Variants in PTK2B observed in about 807,000 individuals in gnomAD.
PTK2B encodes the protein protein-tyrosine kinase 2-beta.
Under a neutral mutation model 142.9 loss-of-function variants are expected in PTK2B, and 71 were observed. The observed-to-expected ratio is 0.50, with a 90% CI of 0.41 to 0.61. The LOEUF is 0.61. Ranked by LOEUF, PTK2B falls within the 20% of genes least tolerant of loss-of-function variation. The pLI, the probability that PTK2B is intolerant of heterozygous loss-of-function variation, is 0.00. For synonymous variants in PTK2B, 519 were observed against 503.4 expected, an observed-to-expected ratio of 1.03 and a Z score of -0.42; for missense variants, 1,105 against 1,320.4, an observed-to-expected ratio of 0.84 and a Z score of 2.53.
chr8:27,332,544 C>G (rs1803819250), intron 1 of PTK2B, among the ~76,000 whole-genome samples: 1 of 152,128 alleles, frequency 6.6e-6, no homozygotes, highest in Non-Finnish European at 1.5e-5. Context: ...CCCATCACCC[C>G]CTTTACTCTC....
chr8:27,439,094 T>G lies in PTK2B; in HGVS notation c.1707T>G (p.Gly569=). 1 of 1,613,938 alleles carries G rather than the reference T, an allele frequency of 6.2e-7. No individual in the cohort carries two copies. Among genetic ancestry groups the G allele is most frequent in the Non-Finnish European group, 8.5e-7 (1 of 1,179,904 alleles). Residue 569 remains glycine, a synonymous_variant, in exon 19 of 31, where the codon GGT becomes GGG. Transcript: ENST00000346049. ...SPECVKLGDF[G]LSRYIEDEDY... Reference sequence around the variant, plus strand: ...AGTGTGTGAAGCTGGGGGACTTTGGTCTTTCCCGGTACATTGAGGACGAGG... The same window carrying G: ...AGTGTGTGAAGCTGGGGGACTTTGGGCTTTCCCGGTACATTGAGGACGAGG...
chr8:27,376,850 C>T (rs1806701844), intron 1 of PTK2B, among the ~76,000 whole-genome samples: 1 of 152,234 alleles, frequency 6.6e-6, no homozygotes, highest in Admixed American at 6.5e-5. Flanking sequence ...CAAACAGCAG[C>T]CTTCAAGACT....
At chr8:27,378,738 A>G (rs1806829919) in intron 1 of PTK2B, among the ~76,000 whole-genome samples, 1 of 152,048 alleles carries the variant, frequency 6.6e-6, no homozygotes, top group Non-Finnish European at 1.5e-5. Flanking sequence ...GGGTGTAGAC[A>G]TAACCCCCAC....
chr8:27,435,992 T>G (rs1354763186), intron 14 of PTK2B, among the ~76,000 whole-genome samples, 199 bp downstream of exon 14: 2 of 152,170 alleles, frequency 1.3e-5, no homozygotes, highest in East Asian at 3.9e-4. Flanking sequence ...ATTGACCTTT[T>G]GTGTGCCCAT....
intron 1 of PTK2B, among the ~76,000 whole-genome samples, chr8:27,364,558 C>T (rs1258926127): frequency 1.3e-5 from 2 of 152,144 alleles, no homozygotes; most frequent in Non-Finnish European, 2.9e-5. Context: ...AGGTGTGAGG[C>T]GGGGAGACAT....
intron 2 of PTK2B, among the ~76,000 whole-genome samples, chr8:27,406,238 G>T (rs1808705453): frequency 6.7e-6 from 1 of 149,288 alleles, no homozygotes; most frequent in African/African-American, 2.5e-5. Context: ...GGGCCACTCA[G>T]TCCAGAGTGA....
At chr8:27,409,971 C>G (rs942975979) in intron 2 of PTK2B, among the ~76,000 whole-genome samples, 5 of 152,152 alleles carry the variant, frequency 3.3e-5, no homozygotes, top group African/African-American at 9.7e-5. Flanking sequence ...ATCCTCCTGC[C>G]TCGGCCTCCC....
At chr8:27,399,815 T>A (rs551024488) in intron 2 of PTK2B, among the ~76,000 whole-genome samples, 2 of 152,338 alleles carry the variant, frequency 1.3e-5, no homozygotes, top group African/African-American at 2.4e-5. Context: ...TAAAGCCACT[T>A]AGACTTCTAG....
At chr8:27,414,843 T>C (rs2082100) in intron 2 of PTK2B, among the ~76,000 whole-genome samples, 123,668 of 151,874 alleles carry the variant, frequency 0.81, 50,868 homozygotes, top group Middle Eastern at 0.95. Context: ...GCTCACTCCC[T>C]GTTTGGTTAC....
chr8:27,322,657 A>G (rs947384360), upstream of PTK2B: 1 of 152,204 alleles, frequency 6.6e-6, no homozygotes, highest in Non-Finnish European at 1.5e-5. Context: ...TTATTTTTCT[A>G]CTTTTCTAGA....
Position 27,433,820 on chromosome 8 carries a change from G to A in PTK2B, c.1105+268G>A, listed in dbSNP as rs573898780. Among the ~76,000 whole-genome samples the A allele has an allele frequency of 2.0e-5, 3 of 152,352 alleles. No individual in the cohort carries two copies. The South Asian group carries it at 6.2e-4, about 32-fold the overall frequency. ...CCCAGCAAGCTCAAAGCCATTGCTA[G>A]TAGAAGGCTGGTCCCGCCTGTGTGT... On this transcript the variant is annotated intron_variant, in intron 11 of 30. Coordinates refer to ENST00000346049, the MANE Select transcript of PTK2B (RefSeq NM_173176.3).
intron 20 of PTK2B, among the ~76,000 whole-genome samples, chr8:27,439,947 C>T (rs1586331970): frequency 1.3e-5 from 2 of 152,264 alleles, no homozygotes; most frequent in African/African-American, 4.8e-5. Context: ...TCCCCTCCCT[C>T]CTAAGAGAAG....
chr8:27,440,090 T>C (rs1811062242), intron 20 of PTK2B, 147 bp from the exon 21 acceptor site: 2 of 778,230 alleles, frequency 2.6e-6, no homozygotes, highest in Non-Finnish European at 2.1e-6. Context: ...CAGACCACCA[T>C]GGTAGGCAGG....
chr8:27,412,294 T>C (rs1355785376), intron 2 of PTK2B, among the ~76,000 whole-genome samples: 1 of 152,164 alleles, frequency 6.6e-6, no homozygotes, highest in Admixed American at 6.5e-5. Flanking sequence ...CCGGTTGGTC[T>C]TTCCAGCATT....
chr8:27,447,859 AAAAATAAAAATAAAT>A (rs1376591003), intron 24 of PTK2B, among the ~76,000 whole-genome samples: 2 of 152,226 alleles, frequency 1.3e-5, no homozygotes, highest in African/African-American at 4.8e-5. Flanking sequence ...ACCCTGTCTC[AAAAATAAAAATAAAT>A]AAAATAAAAA....
At chr8:27,445,658 T>G in intron 23 of PTK2B, 136 bp from the exon 24 acceptor site, 1 of 1,300,464 alleles carries the variant, frequency 7.7e-7, no homozygotes, top group Non-Finnish European at 1.1e-6. Flanking sequence ...GTTTTGTTCT[T>G]TATTAACTCC....
At chr8:27,417,414 T>C (rs2322714) in intron 2 of PTK2B, among the ~76,000 whole-genome samples, 60,734 of 151,536 alleles carry the variant, frequency 0.4, 12,415 homozygotes, top group South Asian at 0.53. Context: ...TAGGGTAAGG[T>C]TGACTGGAGA....
chr8:27,354,885 G>A (rs190584610), intron 1 of PTK2B, among the ~76,000 whole-genome samples: 47 of 152,186 alleles, frequency 3.1e-4, no homozygotes, highest in African/African-American at 9.6e-4. Flanking sequence ...GTCTTCCGAC[G>A]GAATCATCCC....
intron 9 of PTK2B, 64 bp from the exon 10 acceptor site, chr8:27,432,196 A>G: frequency 1.3e-6 from 2 of 1,493,492 alleles, no homozygotes; most frequent in East Asian, 2.4e-5. Context: ...CCCCATACTG[A>G]CCAATCTGCA....
Sources: gnomAD v4.1 joint callset for allele counts (sites outside exome capture counted in the v4.1 genomes callset) on GRCh38, gnomAD v4.1.1 for gene constraint, MANE v1.5 for transcripts, NCBI Gene and HGNC (gene_info 2026-07-23, HGNC 2026-07-21) for gene names.